The following ANXA3 variants were observed in gnomAD, a reference collection of about 807,000 sequenced individuals.
ANXA3 encodes 35-alpha calcimedin.
In ANXA3, 46 loss-of-function variants were observed where a neutral mutation model predicts 48.8. That is an observed-to-expected ratio of 0.94 (90% CI 0.74 to 1.21). The LOEUF (loss-of-function observed/expected upper bound fraction) is 1.21. ANXA3 is among the 50% of genes most tolerant of loss of function. The pLI is 0.00. For missense variants in ANXA3, 383 were observed against 378.6 expected, an observed-to-expected ratio of 1.01 and a Z score of -0.10; for synonymous variants, 128 against 134.7, an observed-to-expected ratio of 0.95 and a Z score of 0.35.
rs909475320 is a variant in ANXA3 at position 78,582,426 on chromosome 4, C to A, written c.312+136C>A. The A allele has an allele frequency of 6.8e-6, 4 of 585,970 alleles. No homozygotes were observed. In the Admixed American group the frequency reaches 1.2e-4, roughly 18 times the overall value. 36.3% of individuals were successfully genotyped at this position (585,970 alleles called of 1,614,324 possible). ...CTGGACTCTCCCAGTGGTAGAATGA[C>A]TCTGAAATAGGCAACAGCTATAGAA... On this transcript the variant is annotated intron_variant, in intron 5 of 12. Coordinates refer to ENST00000264908, the MANE Select transcript of ANXA3 (RefSeq NM_005139.3).
At chr4:78,567,377 G>A (rs759843274) in intron 2 of ANXA3, among the ~76,000 whole-genome samples, 1 of 152,172 alleles carries the variant, frequency 6.6e-6, no homozygotes. Flanking sequence ...CTGGTTTCTA[G>A]TGGTTTACTG....
intron 6 of ANXA3, among the ~76,000 whole-genome samples, chr4:78,588,221 G>A (rs1451047769): frequency 1.3e-5 from 2 of 151,898 alleles, no homozygotes; most frequent in South Asian, 2.1e-4. Flanking sequence ...ACAAAACCCC[G>A]TCTCTATAAA....
intron 3 of ANXA3, among the ~76,000 whole-genome samples, chr4:78,575,934 TG>T (rs1344203521): frequency 6.6e-6 from 1 of 152,228 alleles, no homozygotes; most frequent in Non-Finnish European, 1.5e-5. Flanking sequence ...TTCTATTTCA[TG>T]TGGACATTTA....
intron 4 of ANXA3, 116 bp from the exon 5 acceptor site, chr4:78,582,061 C>T: frequency 1.6e-6 from 1 of 626,902 alleles, no homozygotes; most frequent in African/African-American, 1.8e-5. Flanking sequence ...TGTTTATTCC[C>T]TGTGGATGGA....
Position 78,579,991 on chromosome 4 carries a change from A to G in ANXA3, c.198+870A>G, listed in dbSNP as rs764868100. ...TCTTTGCTATACAGTTTATTTGTCC[A>G]ATGTCTATTTCTGAGTACTAATCTG... is the stretch of plus-strand genomic sequence containing the variant. On this transcript the variant is annotated intron_variant, in intron 4 of 12. Transcript: ENST00000264908. Among the ~76,000 whole-genome samples the G allele has an allele frequency of 3.2e-4, 49 of 152,368 alleles. No individual in the cohort carries two copies. In the Middle Eastern group the frequency reaches 0.02, roughly 63 times the overall value.
At chr4:78,552,153 T>TC (rs1371404450) in intron 1 of ANXA3, 8 of 152,344 alleles carry the variant, frequency 5.3e-5, no homozygotes, top group Non-Finnish European at 7.3e-5. Flanking sequence ...TACTCAGCTG[T>TC]CCTCGCTCCC....
chr4:78,597,294 A>G (rs1723441889), intron 9 of ANXA3, 25 bp from the exon 10 acceptor site: 2 of 1,478,220 alleles, frequency 1.4e-6, no homozygotes, highest in Non-Finnish European at 1.9e-6. Context: ...GTTGCTTTAA[A>G]TAATTTTGTG....
rs3840270 is a variant in ANXA3, at chr4:78,578,852, A to AAAATAAATAAAT, written c.104-147_104-136dup. Among the ~76,000 whole-genome samples the AAAATAAATAAAT allele has an allele frequency of 6.3e-3, 935 of 148,836 alleles. 6 individuals are homozygous for AAAATAAATAAAT. Among genetic ancestry groups the AAAATAAATAAAT allele is most frequent in the African/African-American group, 0.017 (679 of 40,038 alleles). The stretch of plus-strand genomic sequence containing the variant: ...TTTTTTTTCCAAAACTCAGGCAAAC[A>AAAATAAATAAAT]AAATAAATAAATAAATAAATAAATA... On this transcript the variant is annotated intron_variant, in intron 3 of 12. Coordinates refer to ENST00000264908, the MANE Select transcript of ANXA3 (RefSeq NM_005139.3).
chr4:78,564,991 ATT>A (rs55971305), intron 2 of ANXA3, among the ~76,000 whole-genome samples: 9,927 of 118,208 alleles, frequency 0.084, 1,110 homozygotes, highest in African/African-American at 0.27. Flanking sequence ...TCTGACTTAG[ATT>A]TTTTTTTTTT....
intron 6 of ANXA3, among the ~76,000 whole-genome samples, chr4:78,590,970 C>G (rs1723280531): frequency 1.3e-5 from 2 of 152,122 alleles, no homozygotes; most frequent in Admixed American, 1.3e-4. Context: ...TCCTTATCTT[C>G]ACAGTCCAAG....
chr4:78,551,840 T>C lies in ANXA3; in HGVS notation c.-58T>C, dbSNP rs531354735. ...TGTTCGCAGTTTACTCGCACACCAG[T>C]TTCCCCCACCGCGCTTTGGGTAAGT... On this transcript the variant is annotated 5_prime_UTR_variant, in exon 1 of 13. Transcript: ENST00000264908. 43 of 152,406 alleles carry C rather than the reference T, an allele frequency of 2.8e-4. No individual in the cohort carries two copies. The highest frequency in any genetic ancestry group is 9.1e-4 in the African/African-American group (38 of 41,584). The allele number at this position is 152,406 out of a possible 1,614,324, so 9.4% of individuals were successfully genotyped here.
chr4:78,596,059 A>G (rs1416613649), intron 9 of ANXA3, among the ~76,000 whole-genome samples, 172 bp downstream of exon 9: 1 of 152,254 alleles, frequency 6.6e-6, no homozygotes, highest in East Asian at 1.9e-4. Flanking sequence ...GGAAGTACTG[A>G]CACTACACTT....
At chr4:78,560,844 G>A (rs1289298983) in intron 2 of ANXA3, among the ~76,000 whole-genome samples, 3 of 152,122 alleles carry the variant, frequency 2.0e-5, no homozygotes, top group African/African-American at 7.2e-5. Context: ...AAGAACCAGT[G>A]CAAAGACCAG....
intron 7 of ANXA3, among the ~76,000 whole-genome samples, chr4:78,593,953 T>C (rs997262641): frequency 5.3e-5 from 8 of 152,076 alleles, no homozygotes; most frequent in Non-Finnish European, 7.4e-5. Context: ...ACTCTTTCTG[T>C]GATATAGTTC....
intron 3 of ANXA3, among the ~76,000 whole-genome samples, chr4:78,573,916 C>CT (rs764949968): frequency 6.6e-6 from 1 of 151,854 alleles, no homozygotes; most frequent in Non-Finnish European, 1.5e-5. Flanking sequence ...TCCAGTGGGT[C>CT]TTAGCCAGCT....
At position 78,597,309 on chromosome 4, in the gene ANXA3, T is replaced by G; in HGVS notation, c.635-10T>G. ...GTTGCTTTAAATAATTTTGTGGTGC[T>G]TCTTTTTAGCATTTGATGAATACAG... On this transcript the variant is annotated splice_polypyrimidine_tract_variant and intron_variant, in intron 9 of 12. Coordinates refer to ENST00000264908, the MANE Select transcript of ANXA3 (RefSeq NM_005139.3). The G allele has an allele frequency of 3.8e-6, 6 of 1,575,550 alleles. No homozygotes were observed. The highest frequency in any genetic ancestry group is 5.2e-6 in the Non-Finnish European group (6 of 1,149,040).
intron 12 of ANXA3, among the ~76,000 whole-genome samples, chr4:78,606,672 C>T (rs918758165): frequency 6.7e-6 from 1 of 148,392 alleles, no homozygotes; most frequent in Non-Finnish European, 1.5e-5. Context: ...TTACAAATGG[C>T]CTTTGAATGA....
Position 78,562,716 on chromosome 4 carries a change from T to C in ANXA3, c.15+8228T>C, listed in dbSNP as rs73828029. Among the ~76,000 whole-genome samples the C allele has an allele frequency of 2.5e-3, 388 of 152,300 alleles. 2 individuals carry two copies. The highest frequency in any genetic ancestry group is 8.9e-3 in the African/African-American group (371 of 41,566). Reference sequence around the variant, plus strand: ...GACAGACAATAAATGAAGAAATAAATGTACAGTATAAAAAGACAGTTTTAA... The same window carrying C: ...GACAGACAATAAATGAAGAAATAAACGTACAGTATAAAAAGACAGTTTTAA... On this transcript the variant is annotated intron_variant, in intron 2 of 12. Coordinates refer to ENST00000264908, the MANE Select transcript of ANXA3 (RefSeq NM_005139.3).
chr4:78,569,628 G>T (rs185418408), intron 2 of ANXA3, among the ~76,000 whole-genome samples: 1 of 152,152 alleles, frequency 6.6e-6, no homozygotes, highest in African/African-American at 2.4e-5. Context: ...TTGTTAAATC[G>T]CAGATTCTGC....
Sources: gnomAD v4.1 joint callset for allele counts (sites outside exome capture counted in the v4.1 genomes callset) on GRCh38, gnomAD v4.1.1 for gene constraint, MANE v1.5 for transcripts, NCBI Gene and HGNC (gene_info 2026-07-23, HGNC 2026-07-21) for gene names.